TSEN2: variants seen among roughly 807,000 people sequenced by gnomAD.
TSEN2 encodes tRNA-splicing endonuclease subunit Sen2.
In TSEN2, 54 loss-of-function variants were observed where a neutral mutation model predicts 59.2. That is an observed-to-expected ratio of 0.91 (90% CI 0.73 to 1.14). The LOEUF is 1.14. Among genes scored for constraint, TSEN2 ranks in the 50% most tolerant of loss-of-function variants. The pLI is 0.00. For synonymous variants in TSEN2, 195 were observed against 198.2 expected (o/e 0.98, Z 0.14); for missense variants, 636 against 576.2 (o/e 1.10, Z -1.06).
intron 6 of TSEN2, among the ~76,000 whole-genome samples, 157 bp from the exon 7 acceptor site, chr3:12,516,439 AAAATATATGTGTGTG>A (rs2056103200): frequency 4.1e-5 from 3 of 73,928 alleles, no homozygotes; most frequent in Admixed American, 1.3e-4. Flanking sequence ...ACAAACAAAC[AAAATATATGTGTGTG>A]TGTGTGTGTG....
chr3:12,485,560 AGTGGTTAGC>A (rs752752688), intron 1 of TSEN2, among the ~76,000 whole-genome samples: 105 of 152,190 alleles, frequency 6.9e-4, no homozygotes, highest in Admixed American at 2.2e-3. Flanking sequence ...TGCTGTTACC[AGTGGTTAGC>A]TATATGTTAA....
At chr3:12,499,956 C>T (rs1286561561) in intron 4 of TSEN2, among the ~76,000 whole-genome samples, 1 of 152,090 alleles carries the variant, frequency 6.6e-6, no homozygotes, top group Non-Finnish European at 1.5e-5. Flanking sequence ...TTCATCAGTA[C>T]AACAATAGGG....
intron 6 of TSEN2, among the ~76,000 whole-genome samples, chr3:12,508,065 G>T (rs751375305): frequency 2.0e-5 from 3 of 152,174 alleles, no homozygotes; most frequent in African/African-American, 7.2e-5. Context: ...GGATTCCGTA[G>T]GGGAGTGGCA....
chr3:12,512,779 T>C (rs1328444462), intron 6 of TSEN2, among the ~76,000 whole-genome samples: 1 of 152,242 alleles, frequency 6.6e-6, no homozygotes, highest in Non-Finnish European at 1.5e-5. Flanking sequence ...GATTTAATGT[T>C]CAGTCTGTGC....
At chr3:12,482,268 T>G (rs1457217116), upstream of TSEN2, among the ~76,000 whole-genome samples, 5 of 152,144 alleles carry the variant, frequency 3.3e-5, no homozygotes, top group African/African-American at 1.2e-4. Flanking sequence ...ATTATAGGCA[T>G]GCACCACCAT....
exon 11 of TSEN2, chr3:12,539,276 G>C: frequency 2.7e-6 from 1 of 364,386 alleles, no homozygotes; most frequent in South Asian, 2.0e-5. Flanking sequence ...TGGGATTACA[G>C]GCACGCACCA....
Position 12,539,201 on chromosome 3 carries a change from TTG to T in TSEN2, c.1302_1303del (p.Gly435IlefsTer10). ...CAGGCTGGAGTCCAATGCTGCGATC[TTG>T]GATCACTGCAACCTCTGCCTGCTGG... is the stretch of plus-strand genomic sequence containing the variant. On this transcript the variant is annotated frameshift_variant, in exon 11 of 11. Coordinates refer to the TSEN2 transcript ENST00000412698. LOFTEE classifies it high-confidence loss of function. The T allele has an allele frequency of 2.4e-6, 1 of 422,092 alleles. No individual in the cohort carries two copies. Among genetic ancestry groups the T allele is most frequent in the East Asian group, 7.3e-5 (1 of 13,754 alleles). 26.1% of individuals were successfully genotyped at this position (422,092 alleles called of 1,614,324 possible).
rs1008662453 is a variant in TSEN2, at chr3:12,489,915, A to G, written c.115A>G (p.Ile39Val). ...QDHGPLKEFK[I>V]FRAEMINNNV... ...CCATGGTCCTCTGAAAGAATTCAAG[A>G]TATTCCGTGCTGAAATGATTAACAA... The change falls in exon 2 of 12, where the codon ATA becomes GTA. Residue 39 changes from isoleucine to valine, a missense_variant. By Grantham distance (29) the Ile-to-Val change is conservative. Transcript: ENST00000284995. 6.2e-7 allele frequency: 1 copy of G among 1,614,198 alleles called. No individual in the cohort carries two copies.
chr3:12,497,750 CAG>C (rs1432380681), intron 4 of TSEN2, among the ~76,000 whole-genome samples: 2 of 152,242 alleles, frequency 1.3e-5, no homozygotes, highest in African/African-American at 4.8e-5. Context: ...AGGAGCACTA[CAG>C]TATCCCAAGA....
upstream of TSEN2, among the ~76,000 whole-genome samples, chr3:12,481,149 A>G (rs1458764169): frequency 6.6e-6 from 1 of 152,246 alleles, no homozygotes; most frequent in Non-Finnish European, 1.5e-5. Context: ...TTTCTTAAGT[A>G]TATCCCAAAT....
intron 8 of TSEN2, among the ~76,000 whole-genome samples, chr3:12,524,627 T>C (rs2056930972): frequency 6.6e-6 from 1 of 152,150 alleles, no homozygotes; most frequent in Non-Finnish European, 1.5e-5. Flanking sequence ...CTGCAAAGAC[T>C]CTTTTTCCAA....
chr3:12,522,827 T>A (rs574961375), intron 8 of TSEN2, among the ~76,000 whole-genome samples: 1 of 152,296 alleles, frequency 6.6e-6, no homozygotes, highest in African/African-American at 2.4e-5. Flanking sequence ...GCCAACCTAG[T>A]TGACCTTATT....
intron 4 of TSEN2, among the ~76,000 whole-genome samples, chr3:12,500,970 C>G (rs17036850): frequency 6.6e-6 from 1 of 152,132 alleles, no homozygotes; most frequent in African/African-American, 2.4e-5. Flanking sequence ...TTTTGAGTCA[C>G]GGAATTTGGC....
intron 6 of TSEN2, chr3:12,506,756 G>A: frequency 3.0e-6 from 3 of 985,228 alleles, no homozygotes; most frequent in Non-Finnish European, 3.6e-6. Flanking sequence ...CCGCTTCTTG[G>A]GCTCCCCTCT....
At chr3:12,492,798 A>G (rs1422456938) in intron 3 of TSEN2, among the ~76,000 whole-genome samples, 1 of 152,198 alleles carries the variant, frequency 6.6e-6, no homozygotes, top group African/African-American at 2.4e-5. Flanking sequence ...CTGACAATAT[A>G]CTGCATTGGT....
At chr3:12,511,909 A>C (rs2055510515) in intron 6 of TSEN2, among the ~76,000 whole-genome samples, 1 of 152,216 alleles carries the variant, frequency 6.6e-6, no homozygotes, top group Non-Finnish European at 1.5e-5. Flanking sequence ...CTAAGAGGCC[A>C]TAATATATAG....
rs2054459959 is a variant in TSEN2 at position 12,503,055 on chromosome 3, G to A, written c.309-207G>A. Among the ~76,000 whole-genome samples, 6 of 151,784 alleles carry A rather than the reference G, an allele frequency of 4.0e-5. 1 individual carries two copies. The South Asian group carries it at 1.2e-3, about 32-fold the overall frequency. On this transcript the variant is annotated intron_variant, in intron 4 of 11. Coordinates refer to ENST00000284995, the MANE Select transcript of TSEN2 (RefSeq NM_025265.4). The stretch of plus-strand genomic sequence containing the variant: ...CACTGCACTCCAGCCTGGCAACAGA[G>A]CAAGACTCCATCTCAAAAAAATAAA...
intron 7 of TSEN2, 63 bp downstream of exon 7, chr3:12,516,724 C>A: frequency 7.0e-7 from 1 of 1,432,224 alleles, no homozygotes; most frequent in Non-Finnish European, 9.9e-7. Context: ...GCAGGTTGTA[C>A]TAATTTCTAT....
chr3:12,526,363 A>AT lies in TSEN2; in HGVS notation c.1100-2520dup, dbSNP rs200560944. On this transcript the variant is annotated intron_variant, in intron 8 of 11. Coordinates refer to ENST00000284995, the MANE Select transcript of TSEN2 (RefSeq NM_025265.4). ...ATACGGGTTTTCTCTTTTATATCGT[A>AT]TTTTTACTGTACCATTTCTATGTTT... Among the ~76,000 whole-genome samples, 1,375 of 152,128 alleles carry AT rather than the reference A, an allele frequency of 9.0e-3. 11 individuals carry two copies. The highest frequency in any genetic ancestry group is 0.012 in the Non-Finnish European group (825 of 67,976).
Sources: gnomAD v4.1 joint callset for allele counts (sites outside exome capture counted in the v4.1 genomes callset) on GRCh38, gnomAD v4.1.1 for gene constraint, MANE v1.5 for transcripts, NCBI Gene and HGNC (gene_info 2026-07-23, HGNC 2026-07-21) for gene names.